The following NINL variants were observed in gnomAD, a reference collection of about 807,000 sequenced individuals.
The protein encoded by NINL is ninein-like protein.
In NINL, 153 loss-of-function variants were observed where a neutral mutation model predicts 160.3. The ratio of observed to expected loss-of-function variants is 0.95; its 90% CI spans 0.84 to 1.09. The LOEUF is 1.09. NINL is among the 50% of genes least tolerant of loss of function. NINL has a pLI of 0.00. For missense variants in NINL, 1,829 were observed against 1,764.0 expected, an observed-to-expected ratio of 1.04 and a Z score of -0.66; for synonymous variants, 800 against 734.8, an observed-to-expected ratio of 1.09 and a Z score of -1.43.
intron 1 of NINL, among the ~76,000 whole-genome samples, chr20:25,556,488 G>A (rs1600336732): frequency 6.6e-6 from 1 of 152,070 alleles, no homozygotes; most frequent in South Asian, 2.1e-4. Flanking sequence ...AGCTGGGCAT[G>A]GTCATGTGCA....
intron 1 of NINL, among the ~76,000 whole-genome samples, 155 bp downstream of exon 1, chr20:25,585,300 G>C (rs1285501662): frequency 1.3e-5 from 2 of 152,206 alleles, no homozygotes; most frequent in Non-Finnish European, 2.9e-5. Context: ...CAGCAGATGC[G>C]CCGAGTCTGC....
chr20:25,475,547 C>T (rs1033579650), intron 17 of NINL, among the ~76,000 whole-genome samples: 1 of 152,192 alleles, frequency 6.6e-6, no homozygotes, highest in Non-Finnish European at 1.5e-5. Context: ...AATGGGTATA[C>T]AGCCTCTTCT....
Position 25,508,699 on chromosome 20 carries a change from C to T in NINL, c.517+1975G>A, listed in dbSNP as rs528782807. Among the ~76,000 whole-genome samples, 286 of 152,324 alleles carry T rather than the reference C, an allele frequency of 1.9e-3. 1 individual carries two copies. The highest frequency in any genetic ancestry group is 6.4e-3 in the African/African-American group (267 of 41,580). Reference sequence around the variant, plus strand: ...GCGCTGGCAGCCTGAAGAGGGCTCTCGGCATTCAGCCGGGCTCCAGCCTCT... The same window carrying T: ...GCGCTGGCAGCCTGAAGAGGGCTCTTGGCATTCAGCCGGGCTCCAGCCTCT... On this transcript the variant is annotated intron_variant, in intron 5 of 23. Coordinates refer to ENST00000278886, the MANE Select transcript of NINL (RefSeq NM_025176.6).
In NINL at chr20:25,461,573, C is replaced by T. The variant is rs1207435459; in HGVS notation, c.3645G>A (p.Leu1215=). Residue 1215 remains leucine (L), a synonymous_variant, in exon 21 of 24, where the codon CTG becomes CTA. Coordinates refer to ENST00000278886, the MANE Select transcript of NINL (RefSeq NM_025176.6). ...GGGTCAGCTCTGACCATGGCAGCTG[C>T]AGGCTCTGATGTTCCTGATTCAGGC... ...LECLNQEHQS[L]QLPWSELTQT... 6.2e-7 allele frequency: 1 copy of T among 1,607,460 alleles called. No homozygotes were observed. The highest frequency in any genetic ancestry group is 2.2e-5 in the East Asian group (1 of 44,828).
chr20:25,554,643 A>C (rs139636027), intron 1 of NINL, among the ~76,000 whole-genome samples: 11,125 of 148,970 alleles, frequency 0.075, 504 homozygotes, highest in Non-Finnish European at 0.11. Flanking sequence ...AAACAAAAAA[A>C]AAAAAAAAAA....
intron 1 of NINL, among the ~76,000 whole-genome samples, chr20:25,538,839 CGGGGAGCACAGGGCT>C (rs1219514561): frequency 1.3e-5 from 2 of 151,576 alleles, no homozygotes; most frequent in African/African-American, 4.8e-5. Flanking sequence ...AGCACAAGGC[CGGGGAGCACAGGGCT>C]GGGGAACACA....
intron 22 of NINL, among the ~76,000 whole-genome samples, chr20:25,456,297 T>C (rs899569404): frequency 3.8e-5 from 5 of 132,778 alleles, no homozygotes; most frequent in African/African-American, 5.6e-5. Context: ...ACTGTAATCC[T>C]AGCACTTTGG....
At chr20:25,471,629 A>C (rs908511839) in intron 17 of NINL, among the ~76,000 whole-genome samples, 6 of 152,354 alleles carry the variant, frequency 3.9e-5, no homozygotes, top group African/African-American at 1.4e-4. Flanking sequence ...CTGGAAGCTG[A>C]AACCAACGCG....
intron 4 of NINL, 92 bp from the exon 5 acceptor site, chr20:25,510,832 A>G (rs1036195399): frequency 1.4e-5 from 14 of 973,074 alleles, no homozygotes; most frequent in Middle Eastern, 3.1e-4. Context: ...TGTTTGGGGA[A>G]GTGGGGGATG....
chr20:25,472,537 CTT>C (rs113318349), intron 17 of NINL, among the ~76,000 whole-genome samples: 17 of 126,842 alleles, frequency 1.3e-4, no homozygotes, highest in Non-Finnish European at 1.4e-4. Flanking sequence ...GAAAATATTT[CTT>C]TTTTTTTTTT....
At chr20:25,472,079 G>A (rs544791217) in intron 17 of NINL, among the ~76,000 whole-genome samples, 2 of 151,948 alleles carry the variant, frequency 1.3e-5, no homozygotes, top group Non-Finnish European at 1.5e-5. Context: ...TGATCAGACA[G>A]GACCAAACAG....
rs757849636 is a variant in NINL at position 25,453,498 on chromosome 20, G to C, written c.4102C>G (p.Leu1368Val). 34 of 1,614,018 alleles carry C rather than the reference G, an allele frequency of 2.1e-5. No individual in the cohort carries two copies. The highest frequency in any genetic ancestry group is 2.5e-5 in the Non-Finnish European group (29 of 1,179,958). Residue 1368 changes from leucine to valine, a missense_variant, in exon 24 of 24, where the codon CTC becomes GTC. By Grantham distance (32) the Leu-to-Val change is conservative (BLOSUM62 1). Coordinates refer to ENST00000278886, the MANE Select transcript of NINL (RefSeq NM_025176.6). ...GCAATCCTACTGACGAGTTTGTTGA[G>C]AGCGCGAACTTTTTCTTCCAAGAGG... ...SRLLEEKVRA[L>V]NKLVSRIAPA... is the part of the protein sequence containing the mutation.
chr20:25,472,323 G>GTATATATATATA (rs1568859320), intron 17 of NINL, among the ~76,000 whole-genome samples: 1 of 54,628 alleles, frequency 1.8e-5, no homozygotes, highest in Admixed American at 2.8e-4. Context: ...TGGGAGGAGA[G>GTATATATATATA]GATATATATA....
At chr20:25,538,778 TGGAG>T (rs2064606519) in intron 1 of NINL, among the ~76,000 whole-genome samples, 1 of 150,776 alleles carries the variant, frequency 6.6e-6, no homozygotes, top group Non-Finnish European at 1.5e-5. Flanking sequence ...AGCACAGAAC[TGGAG>T]AGCACAGAAC....
At chr20:25,462,355 T>TTGGTG in intron 20 of NINL, 28 bp downstream of exon 20, 1 of 1,601,678 alleles carries the variant, frequency 6.2e-7, no homozygotes, top group African/African-American at 1.3e-5. Context: ...AGCCTCCAGC[T>TTGGTG]CAGCTCCCTG....
chr20:25,532,689 G>A (rs2064486345), intron 1 of NINL, among the ~76,000 whole-genome samples: 1 of 152,236 alleles, frequency 6.6e-6, no homozygotes, highest in African/African-American at 2.4e-5. Flanking sequence ...TCAGGTGCGG[G>A]CAAGCAGGTG....
chr20:25,496,633 AAGAATCCACCACCTGGGCCC>A lies in NINL; in HGVS notation c.1310+10_1310+29del, dbSNP rs146305100. 4,874 of 1,611,638 alleles carry A rather than the reference AAGAATCCACCACCTGGGCCC, an allele frequency of 3.0e-3. 81 individuals carry two copies. In the African/African-American group the frequency reaches 0.043, roughly 14 times the overall value. On this transcript the variant is annotated intron_variant, in intron 10 of 23. Coordinates refer to ENST00000278886, the MANE Select transcript of NINL (RefSeq NM_025176.6). Reference sequence around the variant, plus strand: ...TCAAAGGGGCTGGGGAGGCCCAGGTAAGAATCCACCACCTGGGCCCAGAACCCACTTGATTTTCTTCTCCG... The same window carrying A: ...TCAAAGGGGCTGGGGAGGCCCAGGTAAGAACCCACTTGATTTTCTTCTCCG...
At chr20:25,536,668 G>A (rs2064561340) in intron 1 of NINL, among the ~76,000 whole-genome samples, 1 of 151,928 alleles carries the variant, frequency 6.6e-6, no homozygotes, top group Admixed American at 6.5e-5. Context: ...TCAGTAAGCT[G>A]AGATCATGCC....
intron 13 of NINL, among the ~76,000 whole-genome samples, chr20:25,484,494 A>G (rs1267952680): frequency 1.3e-5 from 2 of 152,208 alleles, no homozygotes; most frequent in African/African-American, 4.8e-5. Context: ...TTGACAAAAC[A>G]AGGCAGCAGC....
Sources: allele counts gnomAD v4.1 joint callset (sites outside exome capture counted in the v4.1 genomes callset), GRCh38; gene constraint gnomAD v4.1.1; transcripts MANE v1.5; gene names NCBI Gene and HGNC (gene_info 2026-07-23, HGNC 2026-07-21).